AMN1: variants seen among roughly 807,000 people sequenced by gnomAD.
AMN1 encodes antagonist of mitotic exit network 1 homolog.
Under a neutral mutation model 33.0 loss-of-function variants are expected in AMN1, and 20 were observed. The observed-to-expected ratio is 0.61, with a 90% CI of 0.43 to 0.88. AMN1 has a LOEUF of 0.88. AMN1 is among the 40% of genes least tolerant of loss of function. AMN1 has a pLI of 0.00. For synonymous variants in AMN1, 114 were observed against 111.9 expected (o/e 1.02, Z -0.12); for missense variants, 246 against 307.4 (o/e 0.80, Z 1.49).
At chr12:31,719,982 A>T (rs1939821190) in intron 1 of AMN1, among the ~76,000 whole-genome samples, 1 of 152,258 alleles carries the variant, frequency 6.6e-6, no homozygotes, top group South Asian at 2.1e-4. Context: ...TAATATATAG[A>T]TGATACATGT....
At chr12:31,707,349 G>A (rs1483430268) in intron 2 of AMN1, among the ~76,000 whole-genome samples, 1 of 152,160 alleles carries the variant, frequency 6.6e-6, no homozygotes, top group Non-Finnish European at 1.5e-5. Context: ...AAGGGTACAG[G>A]TACCATGAAG....
chr12:31,723,792 C>T (rs1939963937), intron 1 of AMN1, among the ~76,000 whole-genome samples: 1 of 152,128 alleles, frequency 6.6e-6, no homozygotes, highest in Non-Finnish European at 1.5e-5. Context: ...AAATATTACT[C>T]TCTGGCCCTT....
intron 1 of AMN1, among the ~76,000 whole-genome samples, chr12:31,719,924 C>T (rs1196293886): frequency 3.3e-5 from 5 of 152,118 alleles, no homozygotes; most frequent in Admixed American, 6.5e-5. Flanking sequence ...GCAATTTATT[C>T]AAGTGGTTGC....
intron 6 of AMN1, among the ~76,000 whole-genome samples, chr12:31,678,088 T>A (rs899635772): frequency 2.0e-5 from 3 of 152,216 alleles, no homozygotes; most frequent in African/African-American, 7.2e-5. Flanking sequence ...CCATGCTTCA[T>A]AAGCATAAAA....
At chr12:31,716,252 A>T (rs1025273493) in intron 1 of AMN1, among the ~76,000 whole-genome samples, 2 of 152,170 alleles carry the variant, frequency 1.3e-5, no homozygotes, top group Non-Finnish European at 2.9e-5. Flanking sequence ...TGACCAATTT[A>T]TTCTACAGTG....
chr12:31,715,348 T>G (rs955775392), intron 1 of AMN1: 3 of 217,846 alleles, frequency 1.4e-5, no homozygotes, highest in African/African-American at 7.0e-5. Flanking sequence ...ATTAGTCAGC[T>G]TCAGCCTCAT....
chr12:31,672,846 C>A, intron 6 of AMN1: 1 of 159,194 alleles, frequency 6.3e-6, no homozygotes, highest in Non-Finnish European at 1.4e-5. Context: ...CTGCAACACA[C>A]CCAAAGGGTT....
At chr12:31,680,997 C>A (rs1022674310) in intron 6 of AMN1, among the ~76,000 whole-genome samples, 1 of 151,984 alleles carries the variant, frequency 6.6e-6, no homozygotes, top group African/African-American at 2.4e-5. Flanking sequence ...ACATGTTAGC[C>A]CACTTTACTT....
chr12:31,725,323 A>C (rs1940021836), intron 1 of AMN1, among the ~76,000 whole-genome samples: 1 of 152,244 alleles, frequency 6.6e-6, no homozygotes, highest in Non-Finnish European at 1.5e-5. Context: ...CACAGTTGGC[A>C]CAGGCAGTCT....
At chr12:31,677,164 G>C (rs1937756193) in intron 6 of AMN1, among the ~76,000 whole-genome samples, 1 of 152,172 alleles carries the variant, frequency 6.6e-6, no homozygotes, top group Non-Finnish European at 1.5e-5. Context: ...GCTGGGCGTA[G>C]TGGCGTGCAC....
intron 1 of AMN1, chr12:31,715,732 C>A: frequency 6.1e-6 from 1 of 162,686 alleles, no homozygotes; most frequent in Non-Finnish European, 1.4e-5. Flanking sequence ...AAAAGCCTAG[C>A]CTGAGGCACA....
chr12:31,697,124 A>G (rs1938762950), intron 5 of AMN1, among the ~76,000 whole-genome samples: 2 of 152,104 alleles, frequency 1.3e-5, no homozygotes, highest in Non-Finnish European at 2.9e-5. Flanking sequence ...TAGAAGCTAA[A>G]ACTTCGGGGA....
chr12:31,725,013 T>C (rs1940008740), intron 1 of AMN1, among the ~76,000 whole-genome samples: 2 of 152,176 alleles, frequency 1.3e-5, no homozygotes, highest in Non-Finnish European at 2.9e-5. Context: ...AGCATTTCAA[T>C]AGAGGAATGT....
intron 5 of AMN1, among the ~76,000 whole-genome samples, chr12:31,693,105 G>T (rs11051538): frequency 0.071 from 10,871 of 152,162 alleles, 608 homozygotes; most frequent in East Asian, 0.28. Flanking sequence ...GTCTCACTCT[G>T]TTCCCCAAGC....
intron 1 of AMN1, among the ~76,000 whole-genome samples, chr12:31,725,854 C>A (rs1465399974): frequency 6.6e-6 from 1 of 152,202 alleles, no homozygotes; most frequent in South Asian, 2.1e-4. Context: ...CACCACCATG[C>A]CCAGTTAATT....
At chr12:31,710,757 AT>A (rs1449313303) in intron 1 of AMN1, among the ~76,000 whole-genome samples, 2 of 152,192 alleles carry the variant, frequency 1.3e-5, no homozygotes, top group Non-Finnish European at 2.9e-5. Flanking sequence ...CGGATGATCT[AT>A]TTAGTGACTT....
At chr12:31,713,942 C>T (rs1273002146) in intron 1 of AMN1, among the ~76,000 whole-genome samples, 4 of 152,208 alleles carry the variant, frequency 2.6e-5, no homozygotes, top group Admixed American at 2.6e-4. Context: ...GAGACAATTA[C>T]TACCATAAAG....
rs16918874 is a variant in AMN1, at chr12:31,727,223, A to G, written c.38+1748T>C. Among the ~76,000 whole-genome samples, 1,109 of 152,308 alleles carry G rather than the reference A, an allele frequency of 7.3e-3. 18 individuals are homozygous for G. Among genetic ancestry groups the G allele is most frequent in the African/African-American group, 0.025 (1,057 of 41,566 alleles). ...TCTCCCATTCCAGCTCCATGCCACC[A>G]GAAATAATTCTGCAAAGAACATCTT... On this transcript the variant is annotated intron_variant, in intron 1 of 6. Transcript: ENST00000281471.
chr12:31,674,405 C>T (rs1951342225), intron 6 of AMN1, among the ~76,000 whole-genome samples: 4 of 148,874 alleles, frequency 2.7e-5, no homozygotes, highest in African/African-American at 9.9e-5. Context: ...GAGACTCCAT[C>T]TCAAAAAAAA....
Sources: gnomAD v4.1 joint callset for allele counts (sites outside exome capture counted in the v4.1 genomes callset) on GRCh38, gnomAD v4.1.1 for gene constraint, MANE v1.5 for transcripts, NCBI Gene and HGNC (gene_info 2026-07-23, HGNC 2026-07-21) for gene names.